The following FARSB variants were observed in gnomAD, a reference collection of about 807,000 sequenced individuals.
FARSB encodes the protein phenylalanyl-tRNA synthetase subunit beta, also known as phenylalanine--tRNA ligase beta subunit.
In FARSB, 40 loss-of-function variants were observed where a neutral mutation model predicts 69.6. That is an observed-to-expected ratio of 0.57 (90% CI 0.45 to 0.75). The LOEUF (loss-of-function observed/expected upper bound fraction) is 0.75, where lower values mean the gene tolerates loss of function less well. Ranked by LOEUF, FARSB falls within the 30% of genes least tolerant of loss-of-function variation. The pLI is 0.00. For missense variants in FARSB, 632 were observed against 722.9 expected, an observed-to-expected ratio of 0.87 and a Z score of 1.44; for synonymous variants, 235 against 247.2, an observed-to-expected ratio of 0.95 and a Z score of 0.46.
intron 15 of FARSB, among the ~76,000 whole-genome samples, chr2:222,605,191 CTCTG>C (rs1368313155): frequency 2.6e-5 from 4 of 151,956 alleles, no homozygotes; most frequent in Non-Finnish European, 5.9e-5. Context: ...CTCTCTCTCT[CTCTG>C]TGTCTCCCTT....
intron 10 of FARSB, among the ~76,000 whole-genome samples, chr2:222,626,567 A>G (rs1392942338): frequency 6.6e-6 from 1 of 152,132 alleles, no homozygotes. Context: ...CTCATGCAGT[A>G]CTCCTTTTCA....
chr2:222,652,033 G>A (rs964138371), intron 1 of FARSB, among the ~76,000 whole-genome samples: 18 of 152,108 alleles, frequency 1.2e-4, no homozygotes, highest in African/African-American at 4.1e-4. Context: ...TCCCATTTCC[G>A]CCCCTTTGAA....
intron 3 of FARSB, among the ~76,000 whole-genome samples, chr2:222,641,577 A>G (rs907532476): frequency 6.6e-6 from 1 of 152,204 alleles, no homozygotes; most frequent in Non-Finnish European, 1.5e-5. Context: ...GTAAGTTCTC[A>G]TGTGATTCAG....
intron 15 of FARSB, among the ~76,000 whole-genome samples, chr2:222,607,390 T>A (rs150414951): frequency 2.0e-4 from 30 of 152,260 alleles, no homozygotes; most frequent in African/African-American, 6.0e-4. Context: ...TTCATAACAA[T>A]CTAAGCAAAT....
intron 16 of FARSB, among the ~76,000 whole-genome samples, chr2:222,595,341 A>C (rs1690382436): frequency 1.3e-5 from 2 of 152,180 alleles, no homozygotes; most frequent in Non-Finnish European, 2.9e-5. Context: ...ATGACCAGGG[A>C]AACATCACAA....
chr2:222,615,694 C>T (rs1690978377), intron 14 of FARSB, among the ~76,000 whole-genome samples: 1 of 152,246 alleles, frequency 6.6e-6, no homozygotes, highest in Admixed American at 6.5e-5. Context: ...AAAACACAGA[C>T]ACTCTTAGAT....
Position 222,628,872 on chromosome 2 carries a change from C to G in FARSB, c.865G>C (p.Val289Leu). The G allele has an allele frequency of 6.2e-7, 1 of 1,609,562 alleles. No individual in the cohort carries two copies. The highest frequency in any genetic ancestry group is 1.3e-5 in the African/African-American group (1 of 74,914). Reference sequence around the variant, plus strand: ...TGTGATTTTCCATTAGGAAAAACCACTTCAGCAGCTTCGACCCTGAAAACA... The same window carrying G: ...TGTGATTTTCCATTAGGAAAAACCAGTTCAGCAGCTTCGACCCTGAAAACA... ...ENQFTVEAAE[V>L]VFPNGKSHTF... Residue 289 changes from valine to leucine, a missense_variant, in exon 10 of 17, where the codon GTG becomes CTG. Physicochemically the swap from Val to Leu is conservative, Grantham distance 32 (BLOSUM62 1). Transcript: ENST00000281828.
At chr2:222,573,611 A>C (rs867478386) in intron 16 of FARSB, among the ~76,000 whole-genome samples, 1 of 152,196 alleles carries the variant, frequency 6.6e-6, no homozygotes, top group South Asian at 2.1e-4. Context: ...CGACTCCCCA[A>C]AGGAGAAGAA....
At chr2:222,650,321 G>A (rs537579734) in intron 1 of FARSB, among the ~76,000 whole-genome samples, 30 of 152,250 alleles carry the variant, frequency 2.0e-4, no homozygotes, top group Non-Finnish European at 4.1e-4. Context: ...GGGATTCTTC[G>A]GCTGGGCAAA....
intron 10 of FARSB, among the ~76,000 whole-genome samples, chr2:222,626,455 A>G (rs77642099): frequency 0.036 from 5,503 of 152,134 alleles, 319 homozygotes; most frequent in African/African-American, 0.13. Flanking sequence ...AAAATATGCT[A>G]TTTCATGTGA....
At chr2:222,602,751 G>A (rs1690596080) in intron 15 of FARSB, among the ~76,000 whole-genome samples, 1 of 152,076 alleles carries the variant, frequency 6.6e-6, no homozygotes, top group African/African-American at 2.4e-5. Flanking sequence ...TCTTTATGAT[G>A]CTGCGTATTT....
At chr2:222,572,317 G>A (rs552835746) in intron 16 of FARSB, among the ~76,000 whole-genome samples, 1 of 152,274 alleles carries the variant, frequency 6.6e-6, no homozygotes, top group African/African-American at 2.4e-5. Flanking sequence ...TCCACAGTCA[G>A]AAGTCCTAGG....
chr2:222,628,393 T>C (rs1691330081), intron 10 of FARSB, among the ~76,000 whole-genome samples: 1 of 152,208 alleles, frequency 6.6e-6, no homozygotes, highest in South Asian at 2.1e-4. Context: ...TATACATGTA[T>C]AGAAACATCA....
In FARSB at chr2:222,568,587, C is replaced by A. The variant is rs1327425108; in HGVS notation, c.*3284G>T. On this transcript the variant is annotated 3_prime_UTR_variant, in exon 17 of 17. Transcript: ENST00000281828. The surrounding 1 kb of genome is among the most constrained non-coding windows in gnomAD (Gnocchi z 4.3). ...GAAGAGCAGGCTGGGCGCCTGTAATCCCAGCACTTTGGGAGGCAGAGGTGG... is the reference window on the plus strand; with the variant it reads ...GAAGAGCAGGCTGGGCGCCTGTAATACCAGCACTTTGGGAGGCAGAGGTGG... The A allele has an allele frequency of 6.6e-6, 1 of 152,222 alleles. No homozygotes were observed. Among genetic ancestry groups the A allele is most frequent in the Non-Finnish European group, 1.5e-5 (1 of 68,042 alleles). 9.4% of individuals were successfully genotyped at this position (152,222 alleles called of 1,614,324 possible).
intron 3 of FARSB, 66 bp downstream of exon 3, chr2:222,642,785 T>C: frequency 8.1e-7 from 1 of 1,233,668 alleles, no homozygotes; most frequent in South Asian, 1.7e-5. Flanking sequence ...ACATGGCTGC[T>C]GATAATGACA....
At chr2:222,618,581 C>G (rs961725794) in intron 14 of FARSB, among the ~76,000 whole-genome samples, 1 of 152,114 alleles carries the variant, frequency 6.6e-6, no homozygotes, top group African/African-American at 2.4e-5. Flanking sequence ...TATTAATAAG[C>G]AAAGATGTTA....
intron 1 of FARSB, among the ~76,000 whole-genome samples, chr2:222,650,253 G>T (rs1351438983): frequency 6.6e-6 from 1 of 152,146 alleles, no homozygotes; most frequent in East Asian, 1.9e-4. Flanking sequence ...AAGGAGAAAG[G>T]GGTCAACTAA....
At chr2:222,644,615 A>G (rs1420639258) in intron 2 of FARSB, 2 of 422,822 alleles carry the variant, frequency 4.7e-6, no homozygotes, top group Non-Finnish European at 9.6e-6. Flanking sequence ...AGGCATCTGC[A>G]TTCATTTTTC....
intron 3 of FARSB, among the ~76,000 whole-genome samples, chr2:222,642,200 C>T (rs751802592): frequency 6.6e-6 from 1 of 152,132 alleles, no homozygotes; most frequent in Admixed American, 6.5e-5. Context: ...GGGGTTTCAC[C>T]ATGTTGGCCA....
Sources: gnomAD v4.1 joint callset for allele counts (sites outside exome capture counted in the v4.1 genomes callset) on GRCh38, gnomAD v4.1.1 for gene constraint, Gnocchi (gnomAD v3.1) non-coding constraint, MANE v1.5 for transcripts, NCBI Gene and HGNC (gene_info 2026-07-23, HGNC 2026-07-21) for gene names.